NRXN3: variants seen among roughly 807,000 people sequenced by gnomAD.
NRXN3 encodes the protein neurexin III.
Under a neutral mutation model 137.6 loss-of-function variants are expected in NRXN3, and 32 were observed. The ratio of observed to expected loss-of-function variants is 0.23; its 90% CI spans 0.18 to 0.31. NRXN3 has a LOEUF of 0.31. Among genes scored for constraint, NRXN3 ranks in the 10% least tolerant of loss-of-function variants. NRXN3 has a pLI of 1.00. For synonymous variants in NRXN3, 798 were observed against 784.5 expected, an observed-to-expected ratio of 1.02 and a Z score of -0.29; for missense variants, 1,574 against 2,062.5, an observed-to-expected ratio of 0.76 and a Z score of 4.59.
At chr14:78,647,653 A>T (rs2097700504) in intron 5 of NRXN3, among the ~76,000 whole-genome samples, 2 of 152,232 alleles carry the variant, frequency 1.3e-5, no homozygotes, top group Admixed American at 1.3e-4. Flanking sequence ...TTCTGTGAGA[A>T]AGTGAACCTA....
chr14:78,620,794 A>G (rs1024674760), intron 4 of NRXN3, among the ~76,000 whole-genome samples: 5 of 152,162 alleles, frequency 3.3e-5, no homozygotes, highest in Non-Finnish European at 7.3e-5. Flanking sequence ...CAGTTATTAT[A>G]TTATTATACC....
At chr14:79,493,761 A>G (rs1206709938) in intron 16 of NRXN3, among the ~76,000 whole-genome samples, 1 of 152,228 alleles carries the variant, frequency 6.6e-6, no homozygotes, top group Non-Finnish European at 1.5e-5. Flanking sequence ...TGAAATTCCC[A>G]TGCAATTTGG....
chr14:79,280,524 T>C, intron 15 of NRXN3: 1 of 1,612,120 alleles, frequency 6.2e-7, no homozygotes, highest in South Asian at 1.1e-5. Flanking sequence ...CCTGTTTCCC[T>C]TCGAGGAGGA....
At chr14:79,557,300 A>T (rs565886848) in intron 16 of NRXN3, among the ~76,000 whole-genome samples, 39 of 147,676 alleles carry the variant, frequency 2.6e-4, no homozygotes, top group African/African-American at 9.5e-4. Context: ...GAAGTTAAAG[A>T]CCACCTCCTC....
intron 10 of NRXN3, among the ~76,000 whole-genome samples, chr14:78,898,781 T>G (rs112283576): frequency 1.2e-4 from 18 of 152,146 alleles, no homozygotes; most frequent in Middle Eastern, 6.8e-3. Context: ...ACTTAAATAC[T>G]TGGCCTATTC....
intron 15 of NRXN3, among the ~76,000 whole-genome samples, chr14:79,311,598 G>T (rs1254451026): frequency 8.0e-6 from 1 of 124,294 alleles, no homozygotes; most frequent in Non-Finnish European, 1.7e-5. Context: ...ATTGATTATT[G>T]CCACAATTTC....
At chr14:79,126,145 T>C (rs957705019) in intron 15 of NRXN3, among the ~76,000 whole-genome samples, 18 of 152,214 alleles carry the variant, frequency 1.2e-4, no homozygotes, top group African/African-American at 1.7e-4. Flanking sequence ...ACTTTTTTTT[T>C]CCATAGTTCA....
intron 4 of NRXN3, chr14:78,403,781 C>T: frequency 3.0e-6 from 3 of 985,448 alleles, no homozygotes; most frequent in South Asian, 4.7e-5. Flanking sequence ...ATGTGGTGGT[C>T]CCTCTCTTCG....
chr14:78,252,861 A>C (rs1439513596), intron 2 of NRXN3, among the ~76,000 whole-genome samples: 1 of 152,230 alleles, frequency 6.6e-6, no homozygotes, highest in African/African-American at 2.4e-5. Flanking sequence ...GCGAGGAGGG[A>C]TACGCTGGAA....
At chr14:79,107,478 A>T (rs1448970553) in intron 15 of NRXN3, among the ~76,000 whole-genome samples, 1 of 152,164 alleles carries the variant, frequency 6.6e-6, no homozygotes, top group Non-Finnish European at 1.5e-5. Flanking sequence ...CTATGGAAAC[A>T]TTGGTGGGTT....
At chr14:79,631,045 G>A (rs1205987722) in intron 16 of NRXN3, among the ~76,000 whole-genome samples, 1 of 152,136 alleles carries the variant, frequency 6.6e-6, no homozygotes, top group African/African-American at 2.4e-5. Flanking sequence ...TAATGCACTA[G>A]CTAAAATAGT....
chr14:79,108,792 G>T (rs1221672145), intron 15 of NRXN3, among the ~76,000 whole-genome samples: 1 of 152,144 alleles, frequency 6.6e-6, no homozygotes, highest in Non-Finnish European at 1.5e-5. Flanking sequence ...TCTAGAAGAA[G>T]GGGAGGCAAT....
chr14:78,658,030 T>C (rs949586845), intron 6 of NRXN3, among the ~76,000 whole-genome samples: 6 of 152,172 alleles, frequency 3.9e-5, no homozygotes, highest in Admixed American at 6.5e-5. Flanking sequence ...TCCCAAGCTG[T>C]TGTTTTGGTA....
At chr14:79,504,651 ATATG>A (rs61213637) in intron 16 of NRXN3, among the ~76,000 whole-genome samples, 7,025 of 124,786 alleles carry the variant, frequency 0.056, 505 homozygotes, top group South Asian at 0.12. Context: ...TTATATATAT[ATATG>A]TATATATATA....
intron 10 of NRXN3, among the ~76,000 whole-genome samples, chr14:78,858,973 TCCCCCA>T (rs947715928): frequency 2.6e-5 from 4 of 152,164 alleles, no homozygotes; most frequent in African/African-American, 9.7e-5. Context: ...TTTGGCTGTA[TCCCCCA>T]CCCAAATCTC....
At chr14:78,310,282 T>TTTTC (rs1555458924) in intron 4 of NRXN3, among the ~76,000 whole-genome samples, 3 of 123,910 alleles carry the variant, frequency 2.4e-5, no homozygotes, top group African/African-American at 2.9e-5. Context: ...TTTTTTTTTT[T>TTTTC]CCAGACAGTG....
chr14:79,604,323 C>T (rs914858969), intron 16 of NRXN3, among the ~76,000 whole-genome samples: 7 of 152,032 alleles, frequency 4.6e-5, no homozygotes, highest in African/African-American at 1.7e-4. Context: ...CAAACTCTGC[C>T]TCCTGGGTTC....
chr14:78,656,026 A>G (rs2097782090), intron 6 of NRXN3, among the ~76,000 whole-genome samples: 1 of 152,158 alleles, frequency 6.6e-6, no homozygotes, highest in Non-Finnish European at 1.5e-5. Flanking sequence ...GACCTCCCAG[A>G]GGCCCCACCT....
intron 15 of NRXN3, among the ~76,000 whole-genome samples, chr14:79,429,331 A>T (rs1029566170): frequency 6.6e-6 from 1 of 152,202 alleles, no homozygotes; most frequent in Non-Finnish European, 1.5e-5. Flanking sequence ...ATTATTTAAC[A>T]AAGTGACATT....
Sources: allele counts gnomAD v4.1 joint callset (sites outside exome capture counted in the v4.1 genomes callset), GRCh38; gene constraint gnomAD v4.1.1; transcripts MANE v1.5; gene names NCBI Gene and HGNC (gene_info 2026-07-23, HGNC 2026-07-21).